HNRNPR: variants seen among roughly 807,000 people sequenced by gnomAD.
The protein encoded by HNRNPR is heterogeneous nuclear ribonucleoprotein R.
Under a neutral mutation model 70.3 loss-of-function variants are expected in HNRNPR, and 4 were observed. The observed-to-expected ratio is 0.06, with a 90% CI of 0.03 to 0.13. The LOEUF (loss-of-function observed/expected upper bound fraction) is 0.13, where lower values mean the gene tolerates loss of function less well. HNRNPR is among the 10% of genes least tolerant of loss of function. HNRNPR has a pLI of 1.00. For synonymous variants in HNRNPR, 241 were observed against 267.6 expected (o/e 0.90, Z 0.97); for missense variants, 423 against 788.5 (o/e 0.54, Z 5.55).
At chr1:23,335,806 A>G (rs1428291736) in intron 4 of HNRNPR, among the ~76,000 whole-genome samples, 2 of 152,208 alleles carry the variant, frequency 1.3e-5, no homozygotes, top group African/African-American at 2.4e-5. Flanking sequence ...TCAACATACA[A>G]TAACTATTTC....
intron 5 of HNRNPR, among the ~76,000 whole-genome samples, chr1:23,324,225 A>T (rs1310009463): frequency 6.6e-6 from 1 of 151,994 alleles, no homozygotes; most frequent in Non-Finnish European, 1.5e-5. Flanking sequence ...TAAAAGATTG[A>T]CATAGCTCTC....
intron 1 of HNRNPR, 49 bp from the exon 2 acceptor site, chr1:23,341,066 A>G: frequency 1.4e-6 from 2 of 1,412,894 alleles, no homozygotes; most frequent in Non-Finnish European, 2.0e-6. Flanking sequence ...AGAAATAACT[A>G]GTTTGTAGGA....
In HNRNPR at chr1:23,307,913, T is replaced by TAAA. The variant is rs35284887; in HGVS notation, c.*2538_*2540dup. ...TTACACTCATAATTTGTACCTAATT[T>TAAA]AAAAAAAAAAAAATGCCAATCTAGA... On this transcript the variant is annotated 3_prime_UTR_variant, in exon 11 of 11. Transcript: ENST00000302271. The TAAA allele has an allele frequency of 6.9e-6, 1 of 145,240 alleles. No homozygotes were observed. Among genetic ancestry groups the TAAA allele is most frequent in the Non-Finnish European group, 1.5e-5 (1 of 65,720 alleles). The allele number at this position is 145,240 out of a possible 1,614,324, so 9.0% of individuals were successfully genotyped here.
intron 6 of HNRNPR, 92 bp from the exon 7 acceptor site, chr1:23,321,755 C>G: frequency 7.8e-7 from 1 of 1,283,352 alleles, no homozygotes; most frequent in East Asian, 2.4e-5. Context: ...TAAGGCCAAA[C>G]GCTCCCTGCT....
At chr1:23,313,780 C>T in intron 8 of HNRNPR, 78 bp from the exon 9 acceptor site, 2 of 1,440,766 alleles carry the variant, frequency 1.4e-6, no homozygotes, top group South Asian at 2.6e-5. Context: ...GTCTTCATAG[C>T]ATAGCTTTTC....
intron 5 of HNRNPR, among the ~76,000 whole-genome samples, chr1:23,325,018 T>C (rs1645912037): frequency 6.6e-6 from 1 of 151,772 alleles, no homozygotes; most frequent in Non-Finnish European, 1.5e-5. Flanking sequence ...CCGGCGCCTG[T>C]AGCCCCAGCT....
At chr1:23,325,932 C>T (rs1645955902) in intron 5 of HNRNPR, among the ~76,000 whole-genome samples, 1 of 152,174 alleles carries the variant, frequency 6.6e-6, no homozygotes, top group African/African-American at 2.4e-5. Flanking sequence ...ATGATCATGG[C>T]TCACTATATC....
chr1:23,327,550 C>T (rs974392294), intron 5 of HNRNPR, among the ~76,000 whole-genome samples: 3 of 152,034 alleles, frequency 2.0e-5, no homozygotes, highest in Admixed American at 6.6e-5. Flanking sequence ...ATTAGTCAGG[C>T]ATGGTGGCAC....
chr1:23,338,362 T>A, intron 3 of HNRNPR, 128 bp downstream of exon 3: 1 of 482,052 alleles, frequency 2.1e-6, no homozygotes, highest in Non-Finnish European at 3.7e-6. Context: ...TTTTTTCCTT[T>A]AAACTAATTT....
chr1:23,327,600 G>C (rs1415019244), intron 5 of HNRNPR, among the ~76,000 whole-genome samples: 2 of 152,134 alleles, frequency 1.3e-5, no homozygotes, highest in Non-Finnish European at 2.9e-5. Context: ...TTAGGCAGAA[G>C]AATCACTTGA....
chr1:23,323,624 C>A lies in HNRNPR; in HGVS notation c.607G>T (p.Gly203Cys), dbSNP rs776825558. The change falls in exon 6 of 11, where the codon GGT becomes TGT. Residue 203 changes from glycine (G) to cysteine (C), a missense_variant. By Grantham distance (159) the Gly-to-Cys change is radical (BLOSUM62 -3). Around this residue, in one of 7 missense-constraint regions of HNRNPR, gnomAD observed 118 missense variants for 239.3 expected, o/e 0.49. Coordinates refer to ENST00000302271, the MANE Select transcript of HNRNPR (RefSeq NM_005826.5). ...DLRLMMDPLS[G>C]QNRGYAFITF... ...ATAAATGCATACCCTCTATTCTGAC[C>A]GGACAGTGGATCCATCATAAGACGT... 1 of 1,614,088 alleles carries A rather than the reference C, an allele frequency of 6.2e-7. No homozygotes were observed. Among genetic ancestry groups the A allele is most frequent in the East Asian group, 2.2e-5 (1 of 44,882 alleles).
chr1:23,342,478 C>G (rs927170786), intron 1 of HNRNPR, among the ~76,000 whole-genome samples: 24 of 152,172 alleles, frequency 1.6e-4, no homozygotes, highest in African/African-American at 5.6e-4. Context: ...GGATGTTTCT[C>G]AAGACAAGCT....
At chr1:23,321,757 C>T in intron 6 of HNRNPR, 94 bp from the exon 7 acceptor site, 1 of 1,243,788 alleles carries the variant, frequency 8.0e-7, no homozygotes, top group South Asian at 1.7e-5. Flanking sequence ...AGGCCAAACG[C>T]TCCCTGCTTC....
chr1:23,326,326 A>G (rs568750362), intron 5 of HNRNPR, among the ~76,000 whole-genome samples: 10 of 152,172 alleles, frequency 6.6e-5, no homozygotes, highest in Non-Finnish European at 1.2e-4. Context: ...AGATACTGTT[A>G]TATGTGATTT....
chr1:23,316,322 A>C (rs1271899009), intron 8 of HNRNPR, among the ~76,000 whole-genome samples: 2 of 152,156 alleles, frequency 1.3e-5, no homozygotes, highest in Non-Finnish European at 2.9e-5. Context: ...TTTAAAAAAA[A>C]GAAACAATAA....
chr1:23,331,836 A>T (rs1313499735), intron 5 of HNRNPR, among the ~76,000 whole-genome samples: 1 of 109,568 alleles, frequency 9.1e-6, no homozygotes, highest in African/African-American at 1.0e-4. Flanking sequence ...TGTTTCTTTA[A>T]AAAAAAAAAA....
chr1:23,334,547 T>G (rs181295929), intron 4 of HNRNPR, among the ~76,000 whole-genome samples: 2 of 152,276 alleles, frequency 1.3e-5, no homozygotes, highest in East Asian at 3.9e-4. Flanking sequence ...CTAGTGTACT[T>G]AAAGTTCCAT....
At chr1:23,326,494 C>A (rs946149498) in intron 5 of HNRNPR, among the ~76,000 whole-genome samples, 1 of 152,138 alleles carries the variant, frequency 6.6e-6, no homozygotes, top group Non-Finnish European at 1.5e-5. Flanking sequence ...AAATTCAAGT[C>A]TTTTTCCAGG....
At position 23,318,444 on chromosome 1, in the gene HNRNPR, AATGATGACCCT is replaced by A; in HGVS notation, c.1017+28_1017+38del. 1.3e-6 allele frequency: 2 copies of A among 1,498,336 alleles called. No homozygotes were observed. The highest frequency in any genetic ancestry group is 1.9e-6 in the Non-Finnish European group (2 of 1,079,302). 92.8% of individuals were successfully genotyped at this position (1,498,336 alleles called of 1,614,324 possible). A position where few individuals can be genotyped will look rare whatever the true frequency, so the allele number is the denominator to read the frequency against. On this transcript the variant is annotated intron_variant, in intron 8 of 10. Coordinates refer to ENST00000302271, the MANE Select transcript of HNRNPR (RefSeq NM_005826.5). The surrounding 1 kb of genome is among the most constrained non-coding windows in gnomAD (Gnocchi z 4.2). ...AGCTTTATTCTGAGTACAAAATTTAAATGATGACCCTATGCCCATTCCAAGCAACTGTATTT... is the reference window on the plus strand; with the variant it reads ...AGCTTTATTCTGAGTACAAAATTTAAATGCCCATTCCAAGCAACTGTATTT...
Sources: allele counts gnomAD v4.1 joint callset (sites outside exome capture counted in the v4.1 genomes callset), GRCh38; gene constraint gnomAD v4.1.1; regional missense constraint gnomAD v4.1.1; non-coding constraint Gnocchi (gnomAD v3.1); transcripts MANE v1.5; gene names NCBI Gene and HGNC (gene_info 2026-07-23, HGNC 2026-07-21).